GLI3: variants seen among roughly 807,000 people sequenced by gnomAD.
The protein encoded by GLI3 is GLI family zinc finger 3.
A neutral mutation model predicts 100.8 loss-of-function variants in GLI3; 20 were observed. That is an observed-to-expected ratio of 0.20 (90% CI 0.14 to 0.29). The LOEUF (loss-of-function observed/expected upper bound fraction) is 0.29. GLI3 is among the 10% of genes least tolerant of loss of function. The pLI is 1.00. For synonymous variants in GLI3, 938 were observed against 860.5 expected (o/e 1.09, Z -1.58); for missense variants, 2,040 against 2,128.5 (o/e 0.96, Z 0.82).
At chr7:42,145,370 T>C (rs1167706546) in intron 3 of GLI3, 1 of 394,720 alleles carries the variant, frequency 2.5e-6, no homozygotes, top group Non-Finnish European at 4.5e-6. Flanking sequence ...TAAAACACTT[T>C]CTGCTAAGAA....
chr7:42,130,295 CCTT>C (rs1786242928), intron 3 of GLI3, among the ~76,000 whole-genome samples: 1 of 152,136 alleles, frequency 6.6e-6, no homozygotes, highest in Non-Finnish European at 1.5e-5. Flanking sequence ...GGCCAGCTAT[CCTT>C]CTCCACGGTT....
At chr7:42,060,744 G>A (rs774325022) in intron 4 of GLI3, among the ~76,000 whole-genome samples, 50 of 152,098 alleles carry the variant, frequency 3.3e-4, no homozygotes, top group African/African-American at 1.0e-3. Flanking sequence ...AGTGTAGAAA[G>A]AATGGCTCCT....
intron 10 of GLI3, among the ~76,000 whole-genome samples, chr7:42,006,181 C>A (rs998912597): frequency 6.6e-6 from 1 of 152,208 alleles, no homozygotes; most frequent in Admixed American, 6.5e-5. Flanking sequence ...GGCAACATTG[C>A]CCAGAACAAG....
At chr7:42,154,784 G>C (rs1380894123) in intron 2 of GLI3, among the ~76,000 whole-genome samples, 2 of 152,170 alleles carry the variant, frequency 1.3e-5, no homozygotes, top group African/African-American at 4.8e-5. Context: ...CCAAAGCCAG[G>C]GGCTGCTCCC....
intron 13 of GLI3, among the ~76,000 whole-genome samples, chr7:41,969,669 A>G (rs138208066): frequency 6.6e-6 from 1 of 152,344 alleles, no homozygotes; most frequent in Non-Finnish European, 1.5e-5. Context: ...GTCAAATCAG[A>G]GTGTGTGCAG....
intron 3 of GLI3, among the ~76,000 whole-genome samples, chr7:42,140,683 T>C (rs957548994): frequency 2.0e-5 from 3 of 151,874 alleles, no homozygotes; most frequent in African/African-American, 7.3e-5. Context: ...CAGAGAAAAA[T>C]CAAGCCCTTT....
At chr7:41,982,439 C>A (rs948124908) in intron 10 of GLI3, among the ~76,000 whole-genome samples, 2 of 152,102 alleles carry the variant, frequency 1.3e-5, no homozygotes, top group African/African-American at 4.8e-5. Flanking sequence ...TGCATTGGGC[C>A]AGGCATGGTG....
chr7:42,259,649 T>C (rs1290063144), intron 1 of GLI3, among the ~76,000 whole-genome samples: 1 of 152,178 alleles, frequency 6.6e-6, no homozygotes, highest in South Asian at 2.1e-4. Flanking sequence ...AGAAAATTAT[T>C]TGTGACCCCT....
intron 10 of GLI3, among the ~76,000 whole-genome samples, chr7:41,984,107 C>T (rs1485217847): frequency 6.6e-6 from 1 of 152,158 alleles, no homozygotes; most frequent in Non-Finnish European, 1.5e-5. Flanking sequence ...CTTTGGGAAG[C>T]CGAGCCCTGG....
intron 1 of GLI3, among the ~76,000 whole-genome samples, chr7:42,253,942 G>C (rs374553898): frequency 5.3e-5 from 8 of 152,260 alleles, no homozygotes; most frequent in African/African-American, 1.9e-4. Flanking sequence ...GCAATGGGCC[G>C]GACATGATGG....
chr7:42,101,059 G>T (rs1799963949), intron 3 of GLI3, among the ~76,000 whole-genome samples: 1 of 152,154 alleles, frequency 6.6e-6, no homozygotes, highest in Non-Finnish European at 1.5e-5. Context: ...TTTTGGGAAG[G>T]CCGCCCTATA....
At chr7:42,067,860 G>A (rs1250869437) in intron 4 of GLI3, among the ~76,000 whole-genome samples, 1 of 152,216 alleles carries the variant, frequency 6.6e-6, no homozygotes, top group African/African-American at 2.4e-5. Context: ...CTGGGGCCAG[G>A]CTTCCATTCC....
chr7:42,128,059 T>C (rs1332155702), intron 3 of GLI3, among the ~76,000 whole-genome samples: 1 of 149,012 alleles, frequency 6.7e-6, no homozygotes, highest in East Asian at 1.9e-4. Context: ...AGGAAACAAA[T>C]TTAAAACAGG....
At chr7:42,124,055 C>T (rs1786067234) in intron 3 of GLI3, among the ~76,000 whole-genome samples, 1 of 152,122 alleles carries the variant, frequency 6.6e-6, no homozygotes, top group African/African-American at 2.4e-5. Context: ...ACCGCAGCTG[C>T]CTCTCCCCAC....
rs1787028736 is a variant in GLI3, at chr7:41,962,163, G to C, written c.*2167C>G. Reference sequence around the variant, plus strand: ...GTTGCATCCGAGAATACTACTGGAAGAGCCCTCTGATGGAGGAGGTCAGCA... The same window carrying C: ...GTTGCATCCGAGAATACTACTGGAACAGCCCTCTGATGGAGGAGGTCAGCA... On this transcript the variant is annotated 3_prime_UTR_variant, in exon 15 of 15. Transcript: ENST00000395925. 6.6e-6 allele frequency: 1 copy of C among 152,208 alleles called. No homozygotes were observed. The highest frequency in any genetic ancestry group is 1.5e-5 in the Non-Finnish European group (1 of 68,078). The allele number at this position is 152,208 out of a possible 1,614,324, so 9.4% of individuals were successfully genotyped here.
At chr7:42,170,399 T>C (rs1210501480) in intron 2 of GLI3, among the ~76,000 whole-genome samples, 2 of 57,214 alleles carry the variant, frequency 3.5e-5, no homozygotes, top group Admixed American at 3.4e-4. Flanking sequence ...TTACTGATCT[T>C]TTTTTTTTTT....
chr7:41,994,617 G>A (rs956134897), intron 10 of GLI3, among the ~76,000 whole-genome samples: 1 of 152,198 alleles, frequency 6.6e-6, no homozygotes, highest in Non-Finnish European at 1.5e-5. Flanking sequence ...ATCACTCCTG[G>A]GGGAGGGTGA....
intron 3 of GLI3, among the ~76,000 whole-genome samples, chr7:42,099,816 C>T (rs1162699887): frequency 6.6e-6 from 1 of 152,260 alleles, no homozygotes; most frequent in Admixed American, 6.5e-5. Context: ...CAGGCATGAT[C>T]CACTGCATCT....
intron 2 of GLI3, among the ~76,000 whole-genome samples, chr7:42,172,019 C>G (rs559284229): frequency 6.6e-6 from 1 of 152,204 alleles, no homozygotes; most frequent in Admixed American, 6.5e-5. Context: ...ACATTCTGCT[C>G]TCATGCATGA....
Sources: gnomAD v4.1 joint callset for allele counts (sites outside exome capture counted in the v4.1 genomes callset) on GRCh38, gnomAD v4.1.1 for gene constraint, MANE v1.5 for transcripts, NCBI Gene and HGNC (gene_info 2026-07-23, HGNC 2026-07-21) for gene names.